The following TLE1 variants were observed in gnomAD, a reference collection of about 807,000 sequenced individuals.
TLE1 encodes transducin-like enhancer protein 1.
TLE1 carries 21 observed loss-of-function variants against 89.8 expected under a neutral mutation model. The ratio of observed to expected loss-of-function variants is 0.23; its 90% CI spans 0.17 to 0.34. The LOEUF (loss-of-function observed/expected upper bound fraction) is 0.34. TLE1 is among the 10% of genes least tolerant of loss of function. The pLI is 1.00. For missense variants in TLE1, 795 were observed against 1,031.2 expected (o/e 0.77, Z 3.14); for synonymous variants, 447 against 407.6 (o/e 1.10, Z -1.16).
At position 81,587,697 on chromosome 9, in the gene TLE1, T is replaced by C; in HGVS notation, c.1961A>G (p.His654Arg). The change falls in exon 17 of 20, where the codon CAC becomes CGC. Residue 654 changes from histidine (H) to arginine (R), a missense_variant. His to Arg is a conservative substitution (Grantham distance 29, BLOSUM62 0). Coordinates refer to ENST00000376499, the MANE Select transcript of TLE1 (RefSeq NM_005077.5). Reference protein sequence around the residue: ...DLREGRQLQQHDFTSQIFSLG... With the variant: ...DLREGRQLQQRDFTSQIFSLG... ...CTCAGTCACCTGGGAGGTGAAGTCG[T>C]GCTGCTGCAGCTGCCGCCCCTCGCG... The C allele has an allele frequency of 6.2e-7, 1 of 1,613,040 alleles. No individual in the cohort carries two copies. Among genetic ancestry groups the C allele is most frequent in the Non-Finnish European group, 8.5e-7 (1 of 1,179,396 alleles).
chr9:81,640,178 A>G (rs1827931370), intron 6 of TLE1, among the ~76,000 whole-genome samples: 1 of 152,190 alleles, frequency 6.6e-6, no homozygotes, highest in Admixed American at 6.6e-5. Flanking sequence ...AAGGTTCACT[A>G]ACTTGAATTT....
At chr9:81,658,771 T>C (rs1222943417) in intron 4 of TLE1, among the ~76,000 whole-genome samples, 1 of 152,206 alleles carries the variant, frequency 6.6e-6, no homozygotes, top group Non-Finnish European at 1.5e-5. Flanking sequence ...ATAGTCTGGA[T>C]TGCAGCAGCA....
intron 6 of TLE1, among the ~76,000 whole-genome samples, chr9:81,638,408 G>A (rs1270635203): frequency 6.6e-6 from 1 of 152,158 alleles, no homozygotes; most frequent in Non-Finnish European, 1.5e-5. Context: ...AAATCTAGAA[G>A]AGTAAAACAG....
In TLE1 at chr9:81,613,508, C is replaced by T; in HGVS notation, c.932G>A (p.Ser311Asn). 1 of 1,614,072 alleles carries T rather than the reference C, an allele frequency of 6.2e-7. No homozygotes were observed. Among genetic ancestry groups the T allele is most frequent in the Non-Finnish European group, 8.5e-7 (1 of 1,180,016 alleles). ...SKEMSLHEKA[S>N]TPVLKSSTPT... ...TGTGCTGGATTTCAGAACAGGCGTG[C>T]TGGCTTTTTCATGCTGGTGTCATTA... Residue 311 changes from serine (S) to asparagine (N), a missense_variant, in exon 12 of 20, where the codon AGC becomes AAC. Coordinates refer to ENST00000376499, the MANE Select transcript of TLE1 (RefSeq NM_005077.5).
chr9:81,590,690 C>T (rs1163693534), intron 16 of TLE1, 115 bp downstream of exon 16: 1 of 1,508,464 alleles, frequency 6.6e-7, no homozygotes, highest in Non-Finnish European at 8.9e-7. Context: ...TAGCCCCATG[C>T]CTGGCATTCA....
At position 81,616,678 on chromosome 9, in the gene TLE1, C is replaced by A; in HGVS notation, c.733G>T (p.Asp245Tyr). ...GACACATCCACAACTAAGTTGTCAT[C>A]GCTTTTGTCACCATCACTGTCCTGG... ...SHYDSDGDKSDDNLVVDVSNE... is the reference protein window; with the variant it reads ...SHYDSDGDKSYDNLVVDVSNE... Residue 245 changes from aspartate (D) to tyrosine (Y), a missense_variant, in exon 10 of 20, where the codon GAT becomes TAT. By Grantham distance (160) the Asp-to-Tyr change is radical. Coordinates refer to ENST00000376499, the MANE Select transcript of TLE1 (RefSeq NM_005077.5). 1.2e-6 allele frequency: 2 copies of A among 1,614,110 alleles called. No individual in the cohort carries two copies. Among genetic ancestry groups the A allele is most frequent in the Non-Finnish European group, 1.7e-6 (2 of 1,180,020 alleles).
At chr9:81,652,391 A>G in intron 5 of TLE1, 103 bp from the exon 6 acceptor site, 1 of 886,012 alleles carries the variant, frequency 1.1e-6, no homozygotes, top group Middle Eastern at 2.4e-4. Context: ...AGGCTGAAGT[A>G]GAAGGGTTTA....
chr9:81,622,081 C>A (rs147086301), intron 8 of TLE1, among the ~76,000 whole-genome samples: 44 of 152,276 alleles, frequency 2.9e-4, no homozygotes, highest in African/African-American at 1.0e-3. Context: ...CAACCCAGAC[C>A]CCCAGCTGAC....
chr9:81,679,979 A>G (rs1833397331), intron 4 of TLE1, among the ~76,000 whole-genome samples: 1 of 152,228 alleles, frequency 6.6e-6, no homozygotes, highest in Non-Finnish European at 1.5e-5. Context: ...ATTTATTTAA[A>G]TATTTACTAA....
chr9:81,678,357 G>T (rs942967650), intron 4 of TLE1, among the ~76,000 whole-genome samples: 2 of 145,776 alleles, frequency 1.4e-5, no homozygotes, highest in Non-Finnish European at 3.0e-5. Context: ...AGTACTACAG[G>T]TCTGTACCAC....
chr9:81,585,757 A>C, intron 17 of TLE1, 102 bp from the exon 18 acceptor site: 5 of 1,443,978 alleles, frequency 3.5e-6, no homozygotes, highest in Admixed American at 2.0e-5. Context: ...GGGGGGAAGT[A>C]ATCAGCCAAG....
intron 8 of TLE1, 36 bp downstream of exon 8, chr9:81,633,312 T>C (rs777829206): frequency 1.9e-6 from 3 of 1,604,504 alleles, no homozygotes; most frequent in Non-Finnish European, 1.7e-6. Context: ...TGTGTGTGTG[T>C]GTGTGTGTGT....
intron 5 of TLE1, among the ~76,000 whole-genome samples, chr9:81,653,615 G>T (rs938198494): frequency 3.9e-5 from 6 of 152,188 alleles, no homozygotes; most frequent in Non-Finnish European, 8.8e-5. Context: ...AGTCTACCTT[G>T]ATGGAACCAT....
At chr9:81,679,304 C>CT (rs56022025) in intron 4 of TLE1, among the ~76,000 whole-genome samples, 1 of 151,542 alleles carries the variant, frequency 6.6e-6, no homozygotes, top group African/African-American at 2.4e-5. Context: ...TTTTTCTTCA[C>CT]TTTTTTTTCT....
chr9:81,673,041 G>T (rs918642280), intron 4 of TLE1, among the ~76,000 whole-genome samples: 7 of 152,058 alleles, frequency 4.6e-5, no homozygotes, highest in African/African-American at 1.7e-4. Flanking sequence ...GGGAGGCTGA[G>T]GGAGGCAGAT....
At chr9:81,650,739 G>A (rs1387087239) in intron 6 of TLE1, among the ~76,000 whole-genome samples, 1 of 152,092 alleles carries the variant, frequency 6.6e-6, no homozygotes, top group Admixed American at 6.5e-5. Flanking sequence ...CTGGATCTGG[G>A]GGGAAGAGGA....
intron 4 of TLE1, among the ~76,000 whole-genome samples, chr9:81,667,284 T>C (rs1831590699): frequency 6.7e-6 from 1 of 148,744 alleles, no homozygotes; most frequent in African/African-American, 2.5e-5. Context: ...GTAATCCAGC[T>C]ACTCAGAAGG....
chr9:81,681,485 G>A (rs1833619918), intron 4 of TLE1, among the ~76,000 whole-genome samples: 1 of 151,868 alleles, frequency 6.6e-6, no homozygotes, highest in East Asian at 1.9e-4. Context: ...GGGAGGCGGA[G>A]GTTGCAGTGA....
chr9:81,640,479 G>A (rs1827969884), intron 6 of TLE1, among the ~76,000 whole-genome samples: 1 of 152,048 alleles, frequency 6.6e-6, no homozygotes, highest in Non-Finnish European at 1.5e-5. Flanking sequence ...GGTGTTCTGG[G>A]GCCCTAAAGG....
Sources: gnomAD v4.1 joint callset for allele counts (sites outside exome capture counted in the v4.1 genomes callset) on GRCh38, gnomAD v4.1.1 for gene constraint, MANE v1.5 for transcripts, NCBI Gene and HGNC (gene_info 2026-07-23, HGNC 2026-07-21) for gene names.